Variants in WNT3 observed in about 807,000 individuals in gnomAD.
WNT3 encodes proto-oncogene Wnt-3.
WNT3 carries 7 observed loss-of-function variants against 34.2 expected under a neutral mutation model. That is an observed-to-expected ratio of 0.20 (90% CI 0.12 to 0.38). The LOEUF (loss-of-function observed/expected upper bound fraction) is 0.38, where lower values mean the gene tolerates loss of function less well. Among genes scored for constraint, WNT3 ranks in the 10% least tolerant of loss-of-function variants. The pLI is 1.00. For synonymous variants in WNT3, 212 were observed against 211.5 expected, an observed-to-expected ratio of 1.00 and a Z score of -0.02; for missense variants, 267 against 499.8, an observed-to-expected ratio of 0.53 and a Z score of 4.44.
chr17:46,798,208 C>T (rs1351120547), intron 1 of WNT3, among the ~76,000 whole-genome samples: 1 of 152,164 alleles, frequency 6.6e-6, no homozygotes, highest in African/African-American at 2.4e-5. Context: ...GGATCACAGG[C>T]ATGAGCCACT....
At chr17:46,804,894 G>A (rs1342068853) in intron 1 of WNT3, among the ~76,000 whole-genome samples, 1 of 152,022 alleles carries the variant, frequency 6.6e-6, no homozygotes, top group Non-Finnish European at 1.5e-5. Context: ...GGACAAATGA[G>A]GGAATAAAAG....
chr17:46,765,321 G>GA (rs1218934571), intron 4 of WNT3, among the ~76,000 whole-genome samples: 1 of 152,234 alleles, frequency 6.6e-6, no homozygotes, highest in African/African-American at 2.4e-5. Context: ...ACTCTTGCCA[G>GA]AACCTTTCCA....
At chr17:46,797,481 C>T (rs2084069725) in intron 1 of WNT3, among the ~76,000 whole-genome samples, 1 of 152,230 alleles carries the variant, frequency 6.6e-6, no homozygotes. Context: ...GTGGAGTCCT[C>T]AGGAGTGGGC....
rs185854373 is a variant in WNT3 at position 46,791,011 on chromosome 17, G to T, written c.81-17102C>A. ...TCCTCTTTTCTTTTCCCTTCTTCCTGGTTTCCCCTTAGCTTTCTTAGCTGT... is the reference window on the plus strand; with the variant it reads ...TCCTCTTTTCTTTTCCCTTCTTCCTTGTTTCCCCTTAGCTTTCTTAGCTGT... On this transcript the variant is annotated intron_variant, in intron 1 of 4. Coordinates refer to ENST00000225512, the MANE Select transcript of WNT3 (RefSeq NM_030753.5). Among the ~76,000 whole-genome samples, 620 of 152,264 alleles carry T rather than the reference G, an allele frequency of 4.1e-3. 4 individuals are homozygous for T. The highest frequency in any genetic ancestry group is 0.014 in the African/African-American group (595 of 41,532).
At chr17:46,780,604 G>A (rs1051744702) in intron 1 of WNT3, among the ~76,000 whole-genome samples, 6 of 152,136 alleles carry the variant, frequency 3.9e-5, no homozygotes, top group Non-Finnish European at 5.9e-5. Context: ...GTGAAACCCC[G>A]TCTCTACTAA....
chr17:46,793,014 C>T (rs897339879), intron 1 of WNT3, among the ~76,000 whole-genome samples: 12 of 151,746 alleles, frequency 7.9e-5, no homozygotes, highest in East Asian at 3.9e-4. Flanking sequence ...CCTGTAAACC[C>T]GGCACTTTGA....
chr17:46,816,400 G>T (rs956455392), intron 1 of WNT3, among the ~76,000 whole-genome samples: 3 of 149,142 alleles, frequency 2.0e-5, no homozygotes, highest in African/African-American at 7.4e-5. Context: ...CCAGTTGCAG[G>T]CACAAACACT....
intron 2 of WNT3, 30 bp downstream of exon 2, chr17:46,773,638 C>CCCCA: frequency 1.5e-6 from 1 of 679,584 alleles, no homozygotes; most frequent in Non-Finnish European, 2.3e-6. Flanking sequence ...CCACCCAGCC[C>CCCCA]CTCCCCCCCC....
At chr17:46,786,609 C>T (rs778623032) in intron 1 of WNT3, among the ~76,000 whole-genome samples, 27 of 152,246 alleles carry the variant, frequency 1.8e-4, no homozygotes, top group Non-Finnish European at 3.2e-4. Flanking sequence ...CACTTTGCTG[C>T]GCAGTTCAGG....
At chr17:46,779,512 G>A (rs2059442609) in intron 1 of WNT3, among the ~76,000 whole-genome samples, 1 of 152,194 alleles carries the variant, frequency 6.6e-6, no homozygotes, top group African/African-American at 2.4e-5. Context: ...GCCCAGCTGG[G>A]CCGAGGACAC....
At chr17:46,804,325 G>A (rs1006658394) in intron 1 of WNT3, among the ~76,000 whole-genome samples, 5 of 152,184 alleles carry the variant, frequency 3.3e-5, no homozygotes, top group African/African-American at 1.2e-4. Context: ...GACCTCAAGT[G>A]ATCTGCCTGC....
chr17:46,783,108 G>A (rs752036626), intron 1 of WNT3, among the ~76,000 whole-genome samples: 1 of 152,176 alleles, frequency 6.6e-6, no homozygotes, highest in African/African-American at 2.4e-5. Flanking sequence ...CCTCTGGCTC[G>A]CCTGCATCTC....
chr17:46,797,714 T>C lies in WNT3; in HGVS notation c.80+20804A>G, dbSNP rs189219555. Among the ~76,000 whole-genome samples the C allele has an allele frequency of 2.5e-3, 380 of 152,186 alleles. 1 individual carries two copies. The highest frequency in any genetic ancestry group is 4.7e-3 in the Non-Finnish European group (317 of 68,010). ...GCACATCCATGGCCAGGAGACAAAA[T>C]AGATAAACTGTATATTCTAAAGATG... On this transcript the variant is annotated intron_variant, in intron 1 of 4. Transcript: ENST00000225512.
intron 1 of WNT3, among the ~76,000 whole-genome samples, chr17:46,784,746 A>G (rs1004141831): frequency 4.8e-5 from 7 of 145,524 alleles, no homozygotes; most frequent in African/African-American, 7.6e-5. Context: ...CTGTGCCCCT[A>G]CCTCCTCTGC....
chr17:46,773,033 G>GCCTC (rs1170635142), intron 2 of WNT3, among the ~76,000 whole-genome samples: 2 of 152,222 alleles, frequency 1.3e-5, no homozygotes, highest in Middle Eastern at 3.4e-3. Flanking sequence ...GTCCCACTTA[G>GCCTC]CCTCCCTCCC....
In WNT3 at chr17:46,816,735, G is replaced by A. The variant is rs12452816; in HGVS notation, c.80+1783C>T. Among the ~76,000 whole-genome samples the A allele has an allele frequency of 2.1e-3, 324 of 152,240 alleles. 2 individuals are homozygous for A. Among genetic ancestry groups the A allele is most frequent in the African/African-American group, 7.4e-3 (307 of 41,540 alleles). ...GTGCCCTCTTCTAGTTCATAGGGCC[G>A]GAGAGACTGGTCTCTCTTCCTCAGT... On this transcript the variant is annotated intron_variant, in intron 1 of 4. Transcript: ENST00000225512.
chr17:46,816,115 A>ACC (rs1568100211), intron 1 of WNT3, among the ~76,000 whole-genome samples: 2 of 26,346 alleles, frequency 7.6e-5, no homozygotes, highest in East Asian at 0.034. Flanking sequence ...GCGCACGTAC[A>ACC]CACACACACA....
At chr17:46,775,906 C>T (rs186420609) in intron 1 of WNT3, among the ~76,000 whole-genome samples, 31 of 152,308 alleles carry the variant, frequency 2.0e-4, no homozygotes, top group African/African-American at 7.0e-4. Flanking sequence ...AGCCACCACG[C>T]CCGGCCCAGA....
In WNT3 at chr17:46,764,435, T is replaced by C. The variant is rs1229978729; in HGVS notation, c.*195A>G. 6.6e-6 allele frequency: 1 copy of C among 152,168 alleles called. No homozygotes were observed. The highest frequency in any genetic ancestry group is 1.5e-5 in the Non-Finnish European group (1 of 68,050). 9.4% of individuals were successfully genotyped at this position (152,168 alleles called of 1,614,324 possible). A position where few individuals can be genotyped will look rare whatever the true frequency, so the allele number is the denominator to read the frequency against. On this transcript the variant is annotated 3_prime_UTR_variant, in exon 5 of 5. Coordinates refer to ENST00000225512, the MANE Select transcript of WNT3 (RefSeq NM_030753.5). ...ACACCATCCAGAGTAGGGTGAGAAA[T>C]GTAAGATGAGAGAGAGGGAGAGCCT...
Sources: gnomAD v4.1 joint callset for allele counts (sites outside exome capture counted in the v4.1 genomes callset) on GRCh38, gnomAD v4.1.1 for gene constraint, MANE v1.5 for transcripts, NCBI Gene and HGNC (gene_info 2026-07-23, HGNC 2026-07-21) for gene names.